Variants in EDNRA observed in about 807,000 individuals in gnomAD.
EDNRA encodes the protein endothelin receptor type A.
EDNRA carries 11 observed loss-of-function variants against 41.4 expected under a neutral mutation model. The observed-to-expected ratio is 0.27, with a 90% CI of 0.17 to 0.44. The LOEUF is 0.44. EDNRA is among the 20% of genes least tolerant of loss of function. The pLI is 1.00. For synonymous variants in EDNRA, 172 were observed against 183.0 expected, an observed-to-expected ratio of 0.94 and a Z score of 0.49; for missense variants, 294 against 531.0, an observed-to-expected ratio of 0.55 and a Z score of 4.39.
intron 2 of EDNRA, among the ~76,000 whole-genome samples, chr4:147,508,764 T>A (rs1729819069): frequency 6.6e-6 from 1 of 152,350 alleles, no homozygotes; most frequent in Admixed American, 6.5e-5. Flanking sequence ...ACAATAAATA[T>A]AAGAGCTTGT....
intron 5 of EDNRA, 104 bp downstream of exon 5, chr4:147,536,133 A>T (rs1254755357): frequency 6.0e-6 from 8 of 1,323,042 alleles, no homozygotes; most frequent in Non-Finnish European, 8.4e-6. Context: ...ATTTCCTAAA[A>T]TAAAAATACT....
At chr4:147,502,312 A>G (rs1028275761) in intron 2 of EDNRA, among the ~76,000 whole-genome samples, 1 of 152,212 alleles carries the variant, frequency 6.6e-6, no homozygotes, top group Non-Finnish European at 1.5e-5. Flanking sequence ...AGTGGATTCT[A>G]TACACTAAAT....
intron 5 of EDNRA, among the ~76,000 whole-genome samples, chr4:147,537,179 T>TA (rs972852682): frequency 7.9e-5 from 12 of 152,220 alleles, no homozygotes; most frequent in African/African-American, 2.9e-4. Context: ...CTTCAACTAC[T>TA]ATACTGATTT....
At chr4:147,527,209 G>C (rs895575183) in intron 3 of EDNRA, among the ~76,000 whole-genome samples, 1 of 152,066 alleles carries the variant, frequency 6.6e-6, no homozygotes, top group Admixed American at 6.6e-5. Flanking sequence ...TTTATTCCCT[G>C]ATCCAGTAAT....
chr4:147,498,410 A>G (rs1440299746), intron 2 of EDNRA, among the ~76,000 whole-genome samples: 1 of 152,162 alleles, frequency 6.6e-6, no homozygotes, highest in African/African-American at 2.4e-5. Flanking sequence ...GCCCACTTTC[A>G]AGCACTGCTG....
intron 2 of EDNRA, among the ~76,000 whole-genome samples, chr4:147,497,870 C>T (rs1247409279): frequency 6.6e-6 from 1 of 152,186 alleles, no homozygotes; most frequent in African/African-American, 2.4e-5. Flanking sequence ...CGCGCCCAGC[C>T]TCTCTCGGAC....
At chr4:147,506,175 A>G in intron 2 of EDNRA, 3 of 527,862 alleles carry the variant, frequency 5.7e-6, no homozygotes, top group Non-Finnish European at 1.1e-5. Flanking sequence ...GACTCAAGGA[A>G]GGACTGAGGT....
chr4:147,514,205 C>G (rs1578796944), intron 2 of EDNRA, among the ~76,000 whole-genome samples: 1 of 152,148 alleles, frequency 6.6e-6, no homozygotes, highest in Admixed American at 6.5e-5. Context: ...CACAGACTTA[C>G]AACGGGGAAC....
chr4:147,508,769 G>A (rs1487052993), intron 2 of EDNRA, among the ~76,000 whole-genome samples: 1 of 152,128 alleles, frequency 6.6e-6, no homozygotes, highest in Non-Finnish European at 1.5e-5. Flanking sequence ...AAATATAAGA[G>A]CTTGTATCTG....
In EDNRA at chr4:147,519,867, G is replaced by A; in HGVS notation, c.437G>A (p.Trp146Ter). ...INVFKLLAGR[W>*]PFDHNDFGVF... The stretch of plus-strand genomic sequence containing the variant: ...TTCTTTCAGCTGCTGGCTGGGCGCT[G>A]GCCTTTTGATCACAATGACTTTGGC... Residue 146 changes from tryptophan (W) to a stop codon, truncating the protein, a stop_gained, in exon 3 of 8, where the codon TGG (tryptophan) becomes TAG (stop). Coordinates refer to ENST00000651419, the MANE Select transcript of EDNRA (RefSeq NM_001957.4). LOFTEE classifies it high-confidence loss of function. This position sits in a 1 kb window ranked among gnomAD's most constrained non-coding sequence, Gnocchi z 4.1. The A allele has an allele frequency of 1.2e-6, 2 of 1,613,366 alleles. No individual in the cohort carries two copies. The highest frequency in any genetic ancestry group is 1.7e-6 in the Non-Finnish European group (2 of 1,179,614).
chr4:147,491,038 T>C (rs1729120767), intron 2 of EDNRA: 3 of 152,156 alleles, frequency 2.0e-5, no homozygotes. Context: ...GCCACGTAAA[T>C]CACGTCTCCA....
chr4:147,543,187 G>T lies in EDNRA; in HGVS notation c.*569G>T, dbSNP rs201457114. On this transcript the variant is annotated 3_prime_UTR_variant, in exon 8 of 8. Transcript: ENST00000651419. Reference sequence around the variant, plus strand: ...TTTACACATAGTTTGAAAAAAAAAAGACAAAAATAGTATTCAGGTGAGCAA... The same window carrying T: ...TTTACACATAGTTTGAAAAAAAAAATACAAAAATAGTATTCAGGTGAGCAA... The T allele has an allele frequency of 1.3e-5, 2 of 150,486 alleles. No individual in the cohort carries two copies. Among genetic ancestry groups the T allele is most frequent in the Non-Finnish European group, 1.5e-5 (1 of 67,654 alleles). The allele number at this position is 150,486 out of a possible 1,614,324, so 9.3% of individuals were successfully genotyped here.
chr4:147,483,724 A>ATTT (rs367755384), intron 1 of EDNRA, among the ~76,000 whole-genome samples: 22,360 of 145,438 alleles, frequency 0.15, 1,758 homozygotes, highest in East Asian at 0.22. Context: ...TATTTATTTA[A>ATTT]TTTTTTTTTT....
intron 5 of EDNRA, among the ~76,000 whole-genome samples, chr4:147,536,289 G>A (rs1560918581): frequency 6.6e-6 from 1 of 152,208 alleles, no homozygotes; most frequent in Non-Finnish European, 1.5e-5. Context: ...TACTGAGCAT[G>A]TGTGTATGTG....
At chr4:147,541,021 T>C in intron 7 of EDNRA, among the ~76,000 whole-genome samples, 1 of 123,052 alleles carries the variant, frequency 8.1e-6, no homozygotes, top group Non-Finnish European at 1.5e-5. Flanking sequence ...TGAGCCGAGA[T>C]AGCGCCACTG....
At chr4:147,505,900 G>C (rs1729697503) in intron 2 of EDNRA, among the ~76,000 whole-genome samples, 1 of 151,728 alleles carries the variant, frequency 6.6e-6, no homozygotes, top group Non-Finnish European at 1.5e-5. Context: ...CGCCCGCCTT[G>C]GCCTCCCAAA....
Position 147,486,005 on chromosome 4 carries a change from C to G in EDNRA, c.324C>G (p.Asn108Lys), listed in dbSNP as rs368930952. Residue 108 changes from asparagine (N) to lysine (K), a missense_variant, in exon 2 of 8, where the codon AAC becomes AAG. Coordinates refer to ENST00000651419, the MANE Select transcript of EDNRA (RefSeq NM_001957.4). This position sits in a 1 kb window ranked among gnomAD's most constrained non-coding sequence, Gnocchi z 4.3. Reference protein sequence around the residue: ...NATLLRIIYQNKCMRNGPNAL... With the variant: ...NATLLRIIYQKKCMRNGPNAL... ...CTCTGCTCAGGATCATTTACCAGAA[C>G]AAATGTATGAGGAATGGCCCCAACG... 1 of 1,614,252 alleles carries G rather than the reference C, an allele frequency of 6.2e-7. No individual in the cohort carries two copies. Among genetic ancestry groups the G allele is most frequent in the Non-Finnish European group, 8.5e-7 (1 of 1,180,056 alleles).
In EDNRA at chr4:147,536,168, T is replaced by C. The variant is rs10305915; in HGVS notation, c.900+139T>C. On this transcript the variant is annotated intron_variant, in intron 5 of 7. Coordinates refer to ENST00000651419, the MANE Select transcript of EDNRA (RefSeq NM_001957.4). ...TATCCTGTAACTGTTTTCTTTATAGTAATAGTGTTAGAAATTTCTTTTGTA... is the reference window on the plus strand; with the variant it reads ...TATCCTGTAACTGTTTTCTTTATAGCAATAGTGTTAGAAATTTCTTTTGTA... The C allele has an allele frequency of 2.8e-3, 2,967 of 1,078,782 alleles. 60 individuals carry two copies. In the African/African-American group the frequency reaches 0.043, roughly 16 times the overall value. The allele number at this position is 1,078,782 out of a possible 1,614,324, so 66.8% of individuals were successfully genotyped here.
intron 4 of EDNRA, among the ~76,000 whole-genome samples, chr4:147,533,859 T>C (rs796968322): frequency 2.6e-5 from 4 of 152,296 alleles, no homozygotes; most frequent in African/African-American, 9.6e-5. Flanking sequence ...TATCTAGACG[T>C]GTTCAAGTAA....
Sources: gnomAD v4.1 joint callset for allele counts (sites outside exome capture counted in the v4.1 genomes callset) on GRCh38, gnomAD v4.1.1 for gene constraint, Gnocchi (gnomAD v3.1) non-coding constraint, MANE v1.5 for transcripts, NCBI Gene and HGNC (gene_info 2026-07-23, HGNC 2026-07-21) for gene names.